Variants in CSMD3 observed in about 807,000 individuals in gnomAD.
CSMD3 encodes CUB and Sushi multiple domains 3.
Under a neutral mutation model 435.2 loss-of-function variants are expected in CSMD3, and 177 were observed. The ratio of observed to expected loss-of-function variants is 0.41; its 90% CI spans 0.36 to 0.46. The LOEUF (loss-of-function observed/expected upper bound fraction) is 0.46, where lower values mean the gene tolerates loss of function less well. CSMD3 is among the 20% of genes least tolerant of loss of function. The probability of loss-of-function intolerance (pLI) is 0.34; values close to 1 mark genes in which losing one functional copy is unlikely to be tolerated. For synonymous variants in CSMD3, 1,656 were observed against 1,520.5 expected (o/e 1.09, Z -2.07); for missense variants, 4,265 against 4,504.6 (o/e 0.95, Z 1.52).
chr8:112,508,156 AC>A (rs1367152777), intron 28 of CSMD3, among the ~76,000 whole-genome samples: 2 of 152,002 alleles, frequency 1.3e-5, no homozygotes, highest in African/African-American at 2.4e-5. Flanking sequence ...TGTCTCCCTT[AC>A]TTTTCCTGGC....
intron 5 of CSMD3, among the ~76,000 whole-genome samples, chr8:113,043,728 C>T (rs1564247172): frequency 6.6e-6 from 1 of 151,818 alleles, no homozygotes. Flanking sequence ...CAAGTACAAC[C>T]ATGTTTAGTT....
chr8:113,092,978 C>T (rs553026988), intron 5 of CSMD3, among the ~76,000 whole-genome samples: 44 of 152,028 alleles, frequency 2.9e-4, no homozygotes, highest in African/African-American at 1.0e-3. Flanking sequence ...TCAAGTACAA[C>T]CATTGGAAAA....
At chr8:112,297,225 T>C (rs1449550674) in intron 53 of CSMD3, among the ~76,000 whole-genome samples, 3 of 137,670 alleles carry the variant, frequency 2.2e-5, no homozygotes, top group Admixed American at 7.6e-5. Flanking sequence ...TATGAAGTAA[T>C]CATTAACCCC....
intron 45 of CSMD3, among the ~76,000 whole-genome samples, chr8:112,334,664 G>T (rs903254257): frequency 6.6e-6 from 1 of 151,904 alleles, no homozygotes; most frequent in Non-Finnish European, 1.5e-5. Flanking sequence ...AACCAATTGA[G>T]GATTAAAACA....
intron 32 of CSMD3, among the ~76,000 whole-genome samples, chr8:112,450,594 A>G (rs1813655245): frequency 6.6e-6 from 1 of 152,172 alleles, no homozygotes; most frequent in African/African-American, 2.4e-5. Context: ...ACATCGGAAA[A>G]CGCAGAGCTG....
Position 112,301,965 on chromosome 8 carries a change from A to T in CSMD3, c.8268T>A (p.Ile2756=). ...GTGTAGGTAGTTCTCCACAGGAAAT[A>T]ACTTTAAAATGATAAATAAATAAAA... is the stretch of plus-strand genomic sequence containing the variant. ...SWRNERPYCQ[I]ISCGELPTPP... Residue 2756 remains isoleucine, a splice_region_variant and synonymous_variant, in exon 53 of 71, where the codon ATT becomes ATA. Coordinates refer to ENST00000297405, the MANE Select transcript of CSMD3 (RefSeq NM_198123.2). 2 of 1,594,680 alleles carry T rather than the reference A, an allele frequency of 1.3e-6. No homozygotes were observed.
chr8:113,261,437 C>G lies in CSMD3; in HGVS notation c.514+17155G>C, dbSNP rs776714724. On this transcript the variant is annotated intron_variant, in intron 3 of 70. Transcript: ENST00000297405. The stretch of plus-strand genomic sequence containing the variant: ...AGCCTTGTCATTCTTCCATTGTGAC[C>G]TCTTTTTAAATGAATTGGTCTGTCT... Among the ~76,000 whole-genome samples, 3 of 152,016 alleles carry G rather than the reference C, an allele frequency of 2.0e-5. No homozygotes were observed. The East Asian group carries it at 5.8e-4, about 29-fold the overall frequency.
chr8:112,539,399 G>A (rs1173373266), intron 27 of CSMD3: 2 of 151,992 alleles, frequency 1.3e-5, no homozygotes, highest in African/African-American at 4.8e-5. Flanking sequence ...ACTCTTCAGA[G>A]AAAATTTTTT....
At chr8:112,952,986 G>T (rs1049149717) in intron 8 of CSMD3, among the ~76,000 whole-genome samples, 1 of 151,090 alleles carries the variant, frequency 6.6e-6, no homozygotes, top group Non-Finnish European at 1.5e-5. Flanking sequence ...ATACCAACAG[G>T]GATATAGAGT....
intron 66 of CSMD3, among the ~76,000 whole-genome samples, chr8:112,239,008 T>C (rs1196970796): frequency 1.3e-5 from 2 of 152,050 alleles, no homozygotes; most frequent in African/African-American, 4.8e-5. Context: ...TTCAGGAGTA[T>C]GCACCTGTAA....
chr8:113,168,726 T>C (rs753057941), intron 4 of CSMD3, among the ~76,000 whole-genome samples: 8 of 151,904 alleles, frequency 5.3e-5, no homozygotes, highest in Admixed American at 6.6e-5. Context: ...CACCAAATTA[T>C]TTTTGTGTCT....
intron 6 of CSMD3, among the ~76,000 whole-genome samples, chr8:112,978,946 GAC>G (rs1307160885): frequency 6.6e-6 from 1 of 151,790 alleles, no homozygotes; most frequent in East Asian, 1.9e-4. Flanking sequence ...ATAATAAAAA[GAC>G]ACATTTCACA....
rs560394525 is a variant in CSMD3, at chr8:112,385,574, A to G, written c.5935-1911T>C. On this transcript the variant is annotated intron_variant, in intron 36 of 70. Coordinates refer to ENST00000297405, the MANE Select transcript of CSMD3 (RefSeq NM_198123.2). ...AAAGTGAAAGACAATTTCAATATCT[A>G]TTTCAGTAATATTTCAATATGTATT... 3.9e-5 allele frequency among the ~76,000 whole-genome samples: 6 copies of G among 152,206 alleles called. No homozygotes were observed. The East Asian group carries it at 1.2e-3, about 29-fold the overall frequency.
At chr8:112,455,867 A>T (rs1002513096) in intron 32 of CSMD3, among the ~76,000 whole-genome samples, 2 of 150,644 alleles carry the variant, frequency 1.3e-5, no homozygotes, top group South Asian at 2.1e-4. Context: ...GCTGGGATTT[A>T]AAAAAAAAGG....
At chr8:112,685,873 A>C in intron 14 of CSMD3, 141 bp from the exon 15 acceptor site, 1 of 653,978 alleles carries the variant, frequency 1.5e-6, no homozygotes, top group Non-Finnish European at 2.6e-6. Flanking sequence ...ACAGAACAAA[A>C]CGGTTACCAT....
At chr8:112,453,713 A>G (rs1816533107) in intron 32 of CSMD3, among the ~76,000 whole-genome samples, 3 of 152,198 alleles carry the variant, frequency 2.0e-5, no homozygotes, top group Non-Finnish European at 4.4e-5. Flanking sequence ...ATTGAACACT[A>G]TTCCCATAAA....
chr8:112,840,497 A>T (rs2080148219), intron 11 of CSMD3, among the ~76,000 whole-genome samples: 1 of 151,740 alleles, frequency 6.6e-6, no homozygotes, highest in Non-Finnish European at 1.5e-5. Flanking sequence ...GACCATAGTA[A>T]TAACAATGTA....
rs180899558 is a variant in CSMD3, at chr8:113,257,747, T to C, written c.514+20845A>G. The stretch of plus-strand genomic sequence containing the variant: ...AATGAGTCAGCTAAATATCCAGCCA[T>C]TCTACTGTGGCAAATTAAAGCATCT... On this transcript the variant is annotated intron_variant, in intron 3 of 70. Transcript: ENST00000297405. Among the ~76,000 whole-genome samples the C allele has an allele frequency of 4.2e-3, 638 of 152,308 alleles. 1 individual carries two copies. Among genetic ancestry groups the C allele is most frequent in the African/African-American group, 0.013 (557 of 41,564 alleles).
At chr8:112,677,257 G>T (rs549098954) in intron 16 of CSMD3, among the ~76,000 whole-genome samples, 1 of 151,708 alleles carries the variant, frequency 6.6e-6, no homozygotes, top group Non-Finnish European at 1.5e-5. Flanking sequence ...CTGTGTGTGT[G>T]TAAGCATGGG....
Sources: gnomAD v4.1 joint callset for allele counts (sites outside exome capture counted in the v4.1 genomes callset) on GRCh38, gnomAD v4.1.1 for gene constraint, MANE v1.5 for transcripts, NCBI Gene and HGNC (gene_info 2026-07-23, HGNC 2026-07-21) for gene names.